Variants in MPP7 observed in about 807,000 individuals in gnomAD.
MPP7 encodes the protein MAGUK p55 subfamily member 7.
In MPP7, 60 loss-of-function variants were observed where a neutral mutation model predicts 76.5. That is an observed-to-expected ratio of 0.78 (90% CI 0.64 to 0.97). MPP7 has a LOEUF of 0.97. MPP7 is among the 50% of genes least tolerant of loss of function. The pLI, the probability that MPP7 is intolerant of heterozygous loss-of-function variation, is 0.00. For missense variants in MPP7, 641 were observed against 694.0 expected (o/e 0.92, Z 0.86); for synonymous variants, 237 against 244.5 (o/e 0.97, Z 0.29).
upstream of MPP7, among the ~76,000 whole-genome samples, chr10:28,303,675 A>T (rs952476128): frequency 2.6e-5 from 4 of 152,238 alleles, no homozygotes; most frequent in African/African-American, 9.6e-5. Flanking sequence ...AAAAATTCTT[A>T]AATAGAAAAA....
upstream of MPP7, among the ~76,000 whole-genome samples, chr10:28,307,955 G>A (rs944477159): frequency 2.0e-5 from 3 of 152,070 alleles, no homozygotes; most frequent in African/African-American, 7.2e-5. Flanking sequence ...TTCCTTCTTG[G>A]GTCTTTTCTT....
intron 5 of MPP7, among the ~76,000 whole-genome samples, chr10:28,137,246 T>C (rs1835378930): frequency 6.6e-6 from 1 of 152,144 alleles, no homozygotes. Flanking sequence ...AAATATCTTT[T>C]AGAAATGAAG....
In MPP7 at chr10:28,059,635, A is replaced by C. The variant is rs1851697342; in HGVS notation, c.1298+15T>G. On this transcript the variant is annotated intron_variant, in intron 14 of 16. Transcript: ENST00000683449. ...AAAAACAGTCACATGAAAATTCTCA[A>C]AAATGTCCACATACTTGTTATTTTG... 6.3e-7 allele frequency: 1 copy of C among 1,595,538 alleles called. No individual in the cohort carries two copies. Among genetic ancestry groups the C allele is most frequent in the African/African-American group, 1.3e-5 (1 of 74,524 alleles).
intron 12 of MPP7, among the ~76,000 whole-genome samples, chr10:28,073,843 C>A (rs1357476588): frequency 6.6e-6 from 1 of 152,044 alleles, no homozygotes; most frequent in Non-Finnish European, 1.5e-5. Context: ...TGTCTGCCTG[C>A]AACTCTCTCC....
At chr10:28,089,175 A>T (rs1853165619) in intron 12 of MPP7, among the ~76,000 whole-genome samples, 1 of 152,146 alleles carries the variant, frequency 6.6e-6, no homozygotes, top group Non-Finnish European at 1.5e-5. Flanking sequence ...GGCCTCCCAA[A>T]GTGCTGGGAT....
At chr10:28,058,339 G>A (rs1285146903) in intron 15 of MPP7, among the ~76,000 whole-genome samples, 156 bp downstream of exon 15, 1 of 152,080 alleles carries the variant, frequency 6.6e-6, no homozygotes, top group Admixed American at 6.5e-5. Flanking sequence ...CACCAAAGAT[G>A]TCTCCAATTA....
chr10:28,316,127 G>T (rs868158191), intron 2 of MPP7, among the ~76,000 whole-genome samples: 1 of 152,094 alleles, frequency 6.6e-6, no homozygotes. Flanking sequence ...AACAGTAAAA[G>T]GATATCACAT....
chr10:28,165,774 C>T (rs1298070159), intron 3 of MPP7, among the ~76,000 whole-genome samples: 1 of 152,050 alleles, frequency 6.6e-6, no homozygotes, highest in East Asian at 1.9e-4. Flanking sequence ...CCTGAAATCC[C>T]AGCACTTTGG....
chr10:28,122,967 GT>G (rs34322003), intron 8 of MPP7, among the ~76,000 whole-genome samples: 5 of 150,878 alleles, frequency 3.3e-5, no homozygotes, highest in South Asian at 2.1e-4. Flanking sequence ...TGCAATTTTT[GT>G]TTTTTTTGCA....
chr10:28,173,760 CAA>C (rs1836766410), intron 3 of MPP7, among the ~76,000 whole-genome samples: 1 of 152,108 alleles, frequency 6.6e-6, no homozygotes, highest in South Asian at 2.1e-4. Flanking sequence ...GAAAGATATG[CAA>C]GATCTATAAG....
chr10:28,260,763 C>A (rs1241432331), intron 1 of MPP7, among the ~76,000 whole-genome samples: 1 of 121,820 alleles, frequency 8.2e-6, no homozygotes. Flanking sequence ...CAGAGAGACT[C>A]CATCTCAAAA....
Position 28,261,667 on chromosome 10 carries a change from C to A in MPP7, c.-131-22932G>T, listed in dbSNP as rs554520970. The stretch of plus-strand genomic sequence containing the variant: ...ACGTAGAACACCCTCCAATGTAGTA[C>A]AAGAAACTGATCATACAATATACTC... On this transcript the variant is annotated intron_variant, in intron 1 of 16. Coordinates refer to ENST00000683449, the MANE Select transcript of MPP7 (RefSeq NM_001318170.2). Among the ~76,000 whole-genome samples the A allele has an allele frequency of 4.2e-5, 6 of 143,430 alleles. No homozygotes were observed. In the South Asian group the frequency reaches 1.6e-3, roughly 38 times the overall value. 94.1% of individuals were successfully genotyped at this position (143,430 alleles called of 152,430 possible).
intron 2 of MPP7, among the ~76,000 whole-genome samples, chr10:28,321,714 A>G (rs1834370370): frequency 1.3e-5 from 2 of 152,142 alleles, no homozygotes; most frequent in Non-Finnish European, 2.9e-5. Context: ...CCTCCTGAGT[A>G]GCTGGGACTA....
At chr10:28,331,467 G>C (rs1834469366) in intron 1 of MPP7, among the ~76,000 whole-genome samples, 2 of 151,988 alleles carry the variant, frequency 1.3e-5, no homozygotes, top group Admixed American at 1.3e-4. Context: ...CCTAATTGTT[G>C]GTCTCGCTCA....
At chr10:28,188,716 AG>A (rs1479421904) in intron 3 of MPP7, among the ~76,000 whole-genome samples, 5 of 151,982 alleles carry the variant, frequency 3.3e-5, no homozygotes, top group African/African-American at 1.2e-4. Context: ...AAGAAGCTTG[AG>A]GGAAAAAATA....
At chr10:28,119,250 A>G (rs1252733979) in intron 11 of MPP7, among the ~76,000 whole-genome samples, 2 of 152,150 alleles carry the variant, frequency 1.3e-5, no homozygotes, top group South Asian at 2.1e-4. Flanking sequence ...CTTGAGCACA[A>G]TTGCTTTTGT....
chr10:28,196,873 A>C (rs1837600706), intron 3 of MPP7, among the ~76,000 whole-genome samples: 1 of 152,146 alleles, frequency 6.6e-6, no homozygotes, highest in Non-Finnish European at 1.5e-5. Flanking sequence ...TTTACCTCTA[A>C]AAGAAAAACC....
intron 12 of MPP7, among the ~76,000 whole-genome samples, chr10:28,083,856 T>C (rs1852880787): frequency 6.6e-6 from 1 of 152,094 alleles, no homozygotes; most frequent in Non-Finnish European, 1.5e-5. Flanking sequence ...ATTTTTTATA[T>C]AGAGACACAG....
intron 2 of MPP7, among the ~76,000 whole-genome samples, chr10:28,202,494 T>C (rs1441961869): frequency 6.6e-6 from 1 of 152,182 alleles, no homozygotes; most frequent in African/African-American, 2.4e-5. Context: ...CTCACAGTTG[T>C]CAACATTCTA....
Sources: allele counts gnomAD v4.1 joint callset (sites outside exome capture counted in the v4.1 genomes callset), GRCh38; gene constraint gnomAD v4.1.1; transcripts MANE v1.5; gene names NCBI Gene and HGNC (gene_info 2026-07-23, HGNC 2026-07-21).